Variants in PPA2 observed in about 807,000 individuals in gnomAD.
The protein encoded by PPA2 is inorganic pyrophosphatase 2.
Under a neutral mutation model 49.5 loss-of-function variants are expected in PPA2, and 48 were observed. The ratio of observed to expected loss-of-function variants is 0.97; its 90% confidence interval spans 0.77 to 1.23. The LOEUF (loss-of-function observed/expected upper bound fraction) is 1.23, where lower values mean the gene tolerates loss of function less well. PPA2 is among the 50% of genes most tolerant of loss of function. The pLI, the probability that PPA2 is intolerant of heterozygous loss-of-function variation, is 0.00. For synonymous variants in PPA2, 131 were observed against 139.9 expected (o/e 0.94, Z 0.45); for missense variants, 429 against 410.1 (o/e 1.05, Z -0.40).
At chr4:105,443,563 ACTAACTTATAT>A (rs998145485) in intron 5 of PPA2, among the ~76,000 whole-genome samples, 10 of 150,206 alleles carry the variant, frequency 6.7e-5, no homozygotes, top group Middle Eastern at 6.9e-3. Context: ...TTGATAAATA[ACTAACTTATAT>A]GCAATTTATG....
chr4:105,395,678 T>G (rs1734111126), intron 9 of PPA2, among the ~76,000 whole-genome samples: 1 of 152,052 alleles, frequency 6.6e-6, no homozygotes, highest in Non-Finnish European at 1.5e-5. Context: ...ACCCTAAAAA[T>G]CTGTCAGGAA....
At chr4:105,454,046 C>T (rs1423660296) in intron 2 of PPA2, 2 of 157,500 alleles carry the variant, frequency 1.3e-5, no homozygotes, top group Non-Finnish European at 2.8e-5. Context: ...CACCTCCTGC[C>T]TGTGAATTCT....
At chr4:105,448,833 A>C (rs1480521906) in intron 4 of PPA2, among the ~76,000 whole-genome samples, 1 of 152,162 alleles carries the variant, frequency 6.6e-6, no homozygotes, top group African/African-American at 2.4e-5. Context: ...TAATATGTAT[A>C]TAACAAACTG....
chr4:105,419,597 T>G (rs979922523), intron 7 of PPA2, among the ~76,000 whole-genome samples: 4 of 152,192 alleles, frequency 2.6e-5, no homozygotes, highest in Non-Finnish European at 4.4e-5. Flanking sequence ...AAAACTTTTT[T>G]TACTAATTGA....
intron 10 of PPA2, among the ~76,000 whole-genome samples, chr4:105,373,777 A>ACACG: frequency 6.6e-6 from 1 of 151,762 alleles, no homozygotes; most frequent in East Asian, 1.9e-4. Context: ...ACACACACAC[A>ACACG]CACACACACA....
intron 10 of PPA2, among the ~76,000 whole-genome samples, chr4:105,371,268 A>C (rs1349530532): frequency 1.3e-5 from 2 of 152,186 alleles, no homozygotes; most frequent in African/African-American, 4.8e-5. Flanking sequence ...CTTGCTAAAA[A>C]ATTTATCTGT....
chr4:105,414,265 T>C (rs1258551850), intron 7 of PPA2, among the ~76,000 whole-genome samples: 1 of 152,202 alleles, frequency 6.6e-6, no homozygotes, highest in Non-Finnish European at 1.5e-5. Context: ...TAGTAAAATT[T>C]TGAAATACTT....
intron 3 of PPA2, among the ~76,000 whole-genome samples, chr4:105,452,649 T>C (rs1722719571): frequency 6.6e-6 from 1 of 152,164 alleles, no homozygotes; most frequent in Non-Finnish European, 1.5e-5. Context: ...ATTCAAATGC[T>C]GGAGCTGTAA....
At chr4:105,412,280 A>T (rs1185466940) in intron 7 of PPA2, among the ~76,000 whole-genome samples, 1 of 152,238 alleles carries the variant, frequency 6.6e-6, no homozygotes, top group Non-Finnish European at 1.5e-5. Context: ...GGCCTCACAA[A>T]TAACACCACA....
At chr4:105,472,992 C>T (rs1723588919) in intron 1 of PPA2, among the ~76,000 whole-genome samples, 1 of 152,112 alleles carries the variant, frequency 6.6e-6, no homozygotes. Context: ...AACTCGAGGG[C>T]CTGCTTAGAA....
chr4:105,447,221 A>C (rs997529640), intron 4 of PPA2, among the ~76,000 whole-genome samples: 1 of 152,214 alleles, frequency 6.6e-6, no homozygotes, highest in Non-Finnish European at 1.5e-5. Flanking sequence ...AAAAAAGCAG[A>C]ACATTCTGTC....
chr4:105,465,458 T>A (rs1723262818), intron 1 of PPA2, among the ~76,000 whole-genome samples: 2 of 152,130 alleles, frequency 1.3e-5, no homozygotes, highest in Non-Finnish European at 2.9e-5. Context: ...TAAGACTGCT[T>A]CTTTGCTCTC....
rs942595021 is a variant in PPA2 at position 105,425,488 on chromosome 4, C to G, written c.529-1166G>C. 2.6e-5 allele frequency among the ~76,000 whole-genome samples: 4 copies of G among 152,152 alleles called. No homozygotes were observed. The South Asian group carries it at 8.3e-4, about 32-fold the overall frequency. On this transcript the variant is annotated intron_variant, in intron 6 of 11. Transcript: ENST00000341695. Reference sequence around the variant, plus strand: ...ATTGCCAAAGAGAAAATTAGTGAACCTGAAGACACTGTAACAGAAACTTTC... The same window carrying G: ...ATTGCCAAAGAGAAAATTAGTGAACGTGAAGACACTGTAACAGAAACTTTC...
chr4:105,448,628 T>C (rs1722515983), intron 4 of PPA2, among the ~76,000 whole-genome samples: 2 of 149,878 alleles, frequency 1.3e-5, no homozygotes, highest in African/African-American at 2.4e-5. Context: ...GTGATAGTCA[T>C]AAATTGAGTT....
intron 7 of PPA2, among the ~76,000 whole-genome samples, chr4:105,404,483 A>G (rs1024158511): frequency 2.9e-4 from 44 of 152,228 alleles, no homozygotes; most frequent in African/African-American, 1.0e-3. Context: ...GAAGTTTCTA[A>G]CAAGAACTAA....
chr4:105,388,656 C>T (rs1232241579), intron 9 of PPA2, among the ~76,000 whole-genome samples: 3 of 151,842 alleles, frequency 2.0e-5, no homozygotes, highest in Non-Finnish European at 4.4e-5. Flanking sequence ...GAAACCCCAT[C>T]TCTATTATAA....
At chr4:105,432,819 T>C (rs572190135) in intron 6 of PPA2, among the ~76,000 whole-genome samples, 6 of 152,266 alleles carry the variant, frequency 3.9e-5, no homozygotes, top group East Asian at 1.9e-4. Flanking sequence ...AGCCAAAAGA[T>C]TGGACACCCC....
At chr4:105,469,057 C>T (rs980755445) in intron 1 of PPA2, among the ~76,000 whole-genome samples, 1 of 152,158 alleles carries the variant, frequency 6.6e-6, no homozygotes, top group African/African-American at 2.4e-5. Context: ...ATACATATTT[C>T]AAAATCTCAA....
intron 1 of PPA2, among the ~76,000 whole-genome samples, chr4:105,471,944 AT>A (rs1723541459): frequency 6.6e-6 from 1 of 152,174 alleles, no homozygotes; most frequent in African/African-American, 2.4e-5. Context: ...AACGTATTTT[AT>A]TTGTGGCACT....
Sources: allele counts gnomAD v4.1 joint callset (sites outside exome capture counted in the v4.1 genomes callset), GRCh38; gene constraint gnomAD v4.1.1; transcripts MANE v1.5; gene names NCBI Gene and HGNC (gene_info 2026-07-23, HGNC 2026-07-21).